TBCE: variants seen among roughly 807,000 people sequenced by gnomAD.
The protein encoded by TBCE is tubulin folding cofactor E, also known as tubulin-specific chaperone E.
Under a neutral mutation model 77.0 loss-of-function variants are expected in TBCE, and 53 were observed. That is an observed-to-expected ratio of 0.69 (90% CI 0.55 to 0.87). The LOEUF (loss-of-function observed/expected upper bound fraction) is 0.87, where lower values mean the gene tolerates loss of function less well. TBCE is among the 40% of genes least tolerant of loss of function. The pLI is 0.00. For missense variants in TBCE, 624 were observed against 622.4 expected, an observed-to-expected ratio of 1.00 and a Z score of -0.03; for synonymous variants, 235 against 241.3, an observed-to-expected ratio of 0.97 and a Z score of 0.24.
chr1:235,449,357 T>TTAGGTAAACATTA lies in TBCE; in HGVS notation c.*596_*608dup, dbSNP rs1682752007. On this transcript the variant is annotated 3_prime_UTR_variant, in exon 17 of 17. Coordinates refer to ENST00000642610, the MANE Select transcript of TBCE (RefSeq NM_003193.5). ...CAGCTTTGATTGAAATGTACTCATA[T>TTAGGTAAACATTA]TAGGTAAACATTAGGCAATGATAGG... is the stretch of plus-strand genomic sequence containing the variant. 6.5e-6 allele frequency: 1 copy of TTAGGTAAACATTA among 154,482 alleles called. No individual in the cohort carries two copies. The highest frequency in any genetic ancestry group is 6.4e-5 in the Admixed American group (1 of 15,686). 9.6% of individuals were successfully genotyped at this position (154,482 alleles called of 1,614,324 possible). A position where few individuals can be genotyped will look rare whatever the true frequency, so the allele number is the denominator to read the frequency against.
At chr1:235,432,858 C>CTA (rs1311615847) in intron 7 of TBCE, 26 of 529,008 alleles carry the variant, frequency 4.9e-5, no homozygotes, top group South Asian at 8.6e-5. Context: ...CCTGTAGATG[C>CTA]TATATATATA....
At position 235,373,806 on chromosome 1, in the gene TBCE, G is replaced by A. The variant is rs750623548; in HGVS notation, c.-31-6213G>A. 3.9e-4 allele frequency among the ~76,000 whole-genome samples: 57 copies of A among 145,172 alleles called. 4 individuals are homozygous for A. Among genetic ancestry groups the A allele is most frequent in the Non-Finnish European group, 6.8e-4 (45 of 66,202 alleles). ...TGGGACTACAAGCGCCCGCCACCAC[G>A]CCTGGCTAATTTTTTTGTATTTTTA... is the stretch of plus-strand genomic sequence containing the variant. On this transcript the variant is annotated intron_variant, in intron 1 of 16. Coordinates refer to ENST00000642610, the MANE Select transcript of TBCE (RefSeq NM_003193.5).
chr1:235,387,149 C>A (rs1415948755), intron 2 of TBCE, among the ~76,000 whole-genome samples: 2 of 152,172 alleles, frequency 1.3e-5, no homozygotes, highest in African/African-American at 4.8e-5. Flanking sequence ...TCTGATCGTT[C>A]CTCTGGAAGT....
intron 8 of TBCE, among the ~76,000 whole-genome samples, chr1:235,435,095 G>A (rs1681356286): frequency 6.7e-6 from 1 of 148,356 alleles, no homozygotes; most frequent in Non-Finnish European, 1.5e-5. Context: ...GCAAATGCAG[G>A]TTTTTTGTTT....
intron 13 of TBCE, 107 bp from the exon 14 acceptor site, chr1:235,441,707 G>T (rs2102937543): frequency 9.9e-7 from 1 of 1,011,750 alleles, no homozygotes; most frequent in South Asian, 1.4e-5. Flanking sequence ...TCCTGGGAAA[G>T]GCACAGGCTC....
intron 5 of TBCE, among the ~76,000 whole-genome samples, chr1:235,423,253 CTG>C (rs1185168275): frequency 6.6e-6 from 1 of 152,048 alleles, no homozygotes; most frequent in African/African-American, 2.4e-5. Flanking sequence ...GGAGGAGAGT[CTG>C]TGCCCAGGTG....
In TBCE at chr1:235,438,913, C is replaced by G. The variant is rs1681640164; in HGVS notation, c.1261C>G (p.Leu421Val). ...FLTAHPRYQF[L>V]CLKYGAPEDW... ...CACAGCCCATCCCAGATACCAGTTC[C>G]TCTGCCTGAGTACGTGCGTATACAC... is the stretch of plus-strand genomic sequence containing the variant. Residue 421 changes from leucine to valine, a missense_variant, in exon 13 of 17, where the codon CTC becomes GTC. Transcript: ENST00000642610. 2 of 1,614,034 alleles carry G rather than the reference C, an allele frequency of 1.2e-6. No homozygotes were observed. The highest frequency in any genetic ancestry group is 1.7e-6 in the Non-Finnish European group (2 of 1,180,058).
intron 5 of TBCE, among the ~76,000 whole-genome samples, chr1:235,421,097 T>C (rs1242576560): frequency 2.0e-5 from 3 of 152,180 alleles, no homozygotes; most frequent in Non-Finnish European, 4.4e-5. Flanking sequence ...TAAGCAAAAA[T>C]GTTGGAGGTA....
chr1:235,375,791 C>T (rs775455720), intron 1 of TBCE, among the ~76,000 whole-genome samples: 9 of 152,036 alleles, frequency 5.9e-5, no homozygotes, highest in Non-Finnish European at 1.2e-4. Flanking sequence ...ACCTGTAATC[C>T]CAGCACTTTG....
chr1:235,412,921 A>G (rs1476268351), intron 3 of TBCE, among the ~76,000 whole-genome samples: 3 of 152,132 alleles, frequency 2.0e-5, no homozygotes, highest in African/African-American at 7.2e-5. Flanking sequence ...CTCCTGCCTC[A>G]GCCTCCCCAG....
chr1:235,406,919 CCTT>C (rs1679470355), intron 3 of TBCE, among the ~76,000 whole-genome samples: 1 of 151,140 alleles, frequency 6.6e-6, no homozygotes, highest in Admixed American at 6.6e-5. Flanking sequence ...ACTGCACCCT[CCTT>C]CTCCCAGGTT....
intron 2 of TBCE, among the ~76,000 whole-genome samples, chr1:235,388,992 G>A (rs535859533): frequency 1.3e-5 from 2 of 152,282 alleles, no homozygotes; most frequent in South Asian, 2.1e-4. Flanking sequence ...CCCTAGGAAG[G>A]GGGTGTGCCC....
rs148616786 is a variant in TBCE, at chr1:235,414,528, G to A, written c.281G>A (p.Gly94Glu). 328 of 1,613,874 alleles carry A rather than the reference G, an allele frequency of 2.0e-4. 3 individuals carry two copies. In the African/African-American group the frequency reaches 3.8e-3, roughly 18 times the overall value. Reference protein sequence around the residue: ...AIKNRYVLEDGPEEDRKEQIV... With the variant: ...AIKNRYVLEDEPEEDRKEQIV... ...AAGAACCGCTATGTGTTAGAAGATG[G>A]ACCAGAGGAAGATAGAAAAGAGCAA... Residue 94 changes from glycine (G) to glutamate (E), a missense_variant, in exon 4 of 17, where the codon GGA (glycine) becomes GAA (glutamate). Gly to Glu is a moderately conservative substitution (Grantham distance 98, BLOSUM62 -2). Transcript: ENST00000642610.
At chr1:235,434,395 G>A in intron 8 of TBCE, 115 bp downstream of exon 8, 1 of 929,348 alleles carries the variant, frequency 1.1e-6, no homozygotes, top group Admixed American at 1.9e-5. Flanking sequence ...ACAAGAATTA[G>A]GAAAAATGCT....
chr1:235,428,229 C>A (rs1267763374), intron 6 of TBCE, among the ~76,000 whole-genome samples: 1 of 152,036 alleles, frequency 6.6e-6, no homozygotes, highest in Non-Finnish European at 1.5e-5. Context: ...GAGGCTGAGG[C>A]AGGAGAATGG....
intron 2 of TBCE, among the ~76,000 whole-genome samples, chr1:235,397,883 T>TA (rs1678837707): frequency 6.6e-6 from 1 of 152,178 alleles, no homozygotes; most frequent in African/African-American, 2.4e-5. Flanking sequence ...CTCTTACTCA[T>TA]ACTGGTTTCT....
Position 235,442,869 on chromosome 1 carries a change from C to T in TBCE, c.1357C>T (p.Pro453Ser), listed in dbSNP as rs1681990072. 3.1e-6 allele frequency: 5 copies of T among 1,613,762 alleles called. No homozygotes were observed. Among genetic ancestry groups the T allele is most frequent in the Admixed American group, 3.3e-5 (2 of 59,978 alleles). Residue 453 changes from proline (P) to serine (S), a missense_variant, in exon 15 of 17, where the codon CCT becomes TCT. Transcript: ENST00000642610. ...TCTTAAAGCACTGAAGATAAAATAC[C>T]CTCATCAACTTGATCAGAAAGTCCT... is the stretch of plus-strand genomic sequence containing the variant. ...NQLLTLKIKYPHQLDQKVLEK... is the reference protein window; with the variant it reads ...NQLLTLKIKYSHQLDQKVLEK...
At chr1:235,397,067 CTGGCTCAAGCGATTCT>C (rs1216320608) in intron 2 of TBCE, among the ~76,000 whole-genome samples, 1 of 151,978 alleles carries the variant, frequency 6.6e-6, no homozygotes, top group Non-Finnish European at 1.5e-5. Flanking sequence ...CTCCACCGCC[CTGGCTCAAGCGATTCT>C]TTTGCCTTAG....
chr1:235,451,348 C>T lies in TBCE; in HGVS notation c.*2586C>T, dbSNP rs1444857446. The T allele has an allele frequency of 6.6e-6, 1 of 151,672 alleles. No individual in the cohort carries two copies. Among genetic ancestry groups the T allele is most frequent in the Non-Finnish European group, 1.5e-5 (1 of 67,986 alleles). The allele number at this position is 151,672 out of a possible 1,614,324, so 9.4% of individuals were successfully genotyped here. A position where few individuals can be genotyped will look rare whatever the true frequency, so the allele number is the denominator to read the frequency against. Reference sequence around the variant, plus strand: ...AGCCCAACAGTTCCAAGCCAAAAATCTGAAGTATTCATAGATGGTAGTATT... The same window carrying T: ...AGCCCAACAGTTCCAAGCCAAAAATTTGAAGTATTCATAGATGGTAGTATT... On this transcript the variant is annotated 3_prime_UTR_variant, in exon 17 of 17. Coordinates refer to ENST00000642610, the MANE Select transcript of TBCE (RefSeq NM_003193.5).
Sources: allele counts gnomAD v4.1 joint callset (sites outside exome capture counted in the v4.1 genomes callset), GRCh38; gene constraint gnomAD v4.1.1; transcripts MANE v1.5; gene names NCBI Gene and HGNC (gene_info 2026-07-23, HGNC 2026-07-21).